GNA12: variants seen among roughly 807,000 people sequenced by gnomAD.
GNA12 encodes guanine nucleotide-binding protein subunit alpha-12.
A neutral mutation model predicts 26.0 loss-of-function variants in GNA12; 9 were observed. That is an observed-to-expected ratio of 0.35 (90% CI 0.21 to 0.60). The LOEUF (loss-of-function observed/expected upper bound fraction) is 0.60, where lower values mean the gene tolerates loss of function less well. GNA12 is among the 20% of genes least tolerant of loss of function. The pLI, the probability that GNA12 is intolerant of heterozygous loss-of-function variation, is 0.78. For synonymous variants in GNA12, 264 were observed against 219.6 expected (o/e 1.20, Z -1.79); for missense variants, 405 against 525.8 (o/e 0.77, Z 2.25).
intron 2 of GNA12, among the ~76,000 whole-genome samples, chr7:2,757,103 G>A (rs1219129843): frequency 6.6e-6 from 1 of 150,776 alleles, no homozygotes; most frequent in East Asian, 1.9e-4. Context: ...AGGTGACCTT[G>A]GCAGGCCCGA....
chr7:2,843,221 C>G (rs73033417), intron 1 of GNA12, among the ~76,000 whole-genome samples: 16,941 of 152,252 alleles, frequency 0.11, 1,021 homozygotes, highest in Middle Eastern at 0.17. Flanking sequence ...CACAAATCTT[C>G]CAGTGGGAAA....
chr7:2,826,103 G>C, intron 1 of GNA12, among the ~76,000 whole-genome samples: 1 of 152,034 alleles, frequency 6.6e-6, no homozygotes, highest in South Asian at 2.1e-4. Flanking sequence ...CTCGGGCCGG[G>C]GGCGGTGGCT....
chr7:2,816,870 T>C (rs541974263), intron 1 of GNA12, among the ~76,000 whole-genome samples: 3 of 152,370 alleles, frequency 2.0e-5, no homozygotes, highest in South Asian at 4.1e-4. Context: ...TGATCAGGAA[T>C]GTGCAATGCA....
In GNA12 at chr7:2,731,237, G is replaced by A; in HGVS notation, c.1090C>T (p.His364Tyr). The change falls in exon 4 of 4, where the codon CAT becomes TAT. Residue 364 changes from histidine to tyrosine, a missense_variant. Transcript: ENST00000275364. The surrounding 1 kb of genome is among the most constrained non-coding windows in gnomAD (Gnocchi z 6.0). ...IDTENVRFVFHAVKDTILQEN... is the reference protein window; with the variant it reads ...IDTENVRFVFYAVKDTILQEN... Reference sequence around the variant, plus strand: ...TGCAGGATGGTGTCTTTCACAGCATGGAACACGAAGCGGACGTTCTCGGTG... The same window carrying A: ...TGCAGGATGGTGTCTTTCACAGCATAGAACACGAAGCGGACGTTCTCGGTG... The A allele has an allele frequency of 1.2e-6, 2 of 1,613,718 alleles. No homozygotes were observed. The highest frequency in any genetic ancestry group is 1.7e-6 in the Non-Finnish European group (2 of 1,179,862).
intron 2 of GNA12, among the ~76,000 whole-genome samples, chr7:2,736,373 G>A (rs1019976444): frequency 3.3e-5 from 5 of 152,124 alleles, no homozygotes; most frequent in South Asian, 2.1e-4. Flanking sequence ...TTGGACTTGC[G>A]GATTAAATGA....
chr7:2,819,887 C>T (rs1793306552), intron 1 of GNA12, among the ~76,000 whole-genome samples: 1 of 152,230 alleles, frequency 6.6e-6, no homozygotes, highest in East Asian at 1.9e-4. Flanking sequence ...TAGGAATACA[C>T]CCAAGAGAAA....
intron 1 of GNA12, among the ~76,000 whole-genome samples, chr7:2,812,934 T>A (rs554713368): frequency 9.2e-5 from 14 of 152,330 alleles, no homozygotes; most frequent in African/African-American, 3.4e-4. Flanking sequence ...CCTTTACTTT[T>A]CAAACTTTAA....
At chr7:2,805,987 G>GCAA (rs1792937069) in intron 1 of GNA12, among the ~76,000 whole-genome samples, 2 of 152,152 alleles carry the variant, frequency 1.3e-5, no homozygotes, top group African/African-American at 4.8e-5. Context: ...AACTTCTTTT[G>GCAA]TTTATACTGA....
chr7:2,731,027 C>G lies in GNA12; in HGVS notation c.*154G>C. The G allele has an allele frequency of 1.7e-6, 1 of 573,442 alleles. No homozygotes were observed. Among genetic ancestry groups the G allele is most frequent in the African/African-American group, 1.9e-5 (1 of 53,862 alleles). 35.5% of individuals were successfully genotyped at this position (573,442 alleles called of 1,614,324 possible). A position where few individuals can be genotyped will look rare whatever the true frequency, so the allele number is the denominator to read the frequency against. ...TCCATGTCCTTTTGCCTAGAGCTCG[C>G]TGGCTGGCTGGTCTGACAGCATTCC... On this transcript the variant is annotated 3_prime_UTR_variant, in exon 4 of 4. Coordinates refer to ENST00000275364, the MANE Select transcript of GNA12 (RefSeq NM_007353.3). The surrounding 1 kb of genome is among the most constrained non-coding windows in gnomAD (Gnocchi z 6.0).
rs984621272 is a variant in GNA12, at chr7:2,756,698, A to C, written c.526-23197T>G. On this transcript the variant is annotated intron_variant, in intron 2 of 3. Transcript: ENST00000275364. ...TCTGTGCTGTCAGAATTCTAAGATG[A>C]GCCTCGATGACAGACGCCCCTGTCT... is the stretch of plus-strand genomic sequence containing the variant. Among the ~76,000 whole-genome samples, 5 of 152,330 alleles carry C rather than the reference A, an allele frequency of 3.3e-5. No individual in the cohort carries two copies. In the South Asian group the frequency reaches 1.0e-3, roughly 32 times the overall value.
chr7:2,830,631 A>G (rs1354804321), intron 1 of GNA12, among the ~76,000 whole-genome samples: 3 of 152,222 alleles, frequency 2.0e-5, no homozygotes, highest in African/African-American at 7.2e-5. Flanking sequence ...ATGGCAGGAG[A>G]GGCAAGAGAA....
chr7:2,830,984 GCA>G lies in GNA12; in HGVS notation c.309+12867_309+12868del, dbSNP rs376557988. 5.3e-4 allele frequency among the ~76,000 whole-genome samples: 81 copies of G among 151,928 alleles called. 1 individual carries two copies. In the South Asian group the frequency reaches 0.016, roughly 31 times the overall value. On this transcript the variant is annotated intron_variant, in intron 1 of 3. Transcript: ENST00000275364. Reference sequence around the variant, plus strand: ...AAAACAAAAAACAAAAGCTCCCAATGCACAGAGAAGGTATCAAGGTATCATTC... The same window carrying G: ...AAAACAAAAAACAAAAGCTCCCAATGCAGAGAAGGTATCAAGGTATCATTC...
chr7:2,731,475 C>G lies in GNA12; in HGVS notation c.852G>C (p.Lys284Asn). 2 of 1,613,872 alleles carry G rather than the reference C, an allele frequency of 1.2e-6. No individual in the cohort carries two copies. Among genetic ancestry groups the G allele is most frequent in the Non-Finnish European group, 1.7e-6 (2 of 1,179,896 alleles). ...MNIFETIVNN[K>N]LFFNVSIILF... The stretch of plus-strand genomic sequence containing the variant: ...GAATGATGGAGACGTTGAAGAAGAG[C>G]TTGTTGTTGACGATGGTCTCGAAGA... The change falls in exon 4 of 4, where the codon AAG (lysine) becomes AAC (asparagine). Residue 284 changes from lysine (K) to asparagine (N), a missense_variant. Transcript: ENST00000275364. This position sits in a 1 kb window ranked among gnomAD's most constrained non-coding sequence, Gnocchi z 6.0.
At chr7:2,803,276 G>T (rs1792859851) in intron 1 of GNA12, among the ~76,000 whole-genome samples, 1 of 152,194 alleles carries the variant, frequency 6.6e-6, no homozygotes. Flanking sequence ...CCGCTGGTGA[G>T]GCCTCGCTCA....
At chr7:2,793,610 T>G (rs1005494727) in intron 2 of GNA12, among the ~76,000 whole-genome samples, 1 of 151,988 alleles carries the variant, frequency 6.6e-6, no homozygotes, top group Non-Finnish European at 1.5e-5. Context: ...GGGTGGGGCA[T>G]GGTGGCTCAC....
intron 2 of GNA12, among the ~76,000 whole-genome samples, chr7:2,752,167 TAAGG>T (rs1161405505): frequency 6.6e-6 from 1 of 150,902 alleles, no homozygotes; most frequent in East Asian, 1.9e-4. Context: ...TTTAGCAAAA[TAAGG>T]AAGAAAAAAA....
chr7:2,730,139 C>T lies in GNA12; in HGVS notation c.*1042G>A, dbSNP rs762437008. The T allele has an allele frequency of 6.6e-6, 1 of 152,366 alleles. No homozygotes were observed. The highest frequency in any genetic ancestry group is 2.4e-5 in the African/African-American group (1 of 41,448). 9.4% of individuals were successfully genotyped at this position (152,366 alleles called of 1,614,324 possible). A position where few individuals can be genotyped will look rare whatever the true frequency, so the allele number is the denominator to read the frequency against. ...CTTCCCGAAAGGTCAGCTGTTAGCT[C>T]GCCAAGCAGCTGGGGCATTAACAAA... is the stretch of plus-strand genomic sequence containing the variant. On this transcript the variant is annotated 3_prime_UTR_variant, in exon 4 of 4. Coordinates refer to ENST00000275364, the MANE Select transcript of GNA12 (RefSeq NM_007353.3).
chr7:2,821,703 A>G (rs1448221107), intron 1 of GNA12, among the ~76,000 whole-genome samples: 1 of 152,164 alleles, frequency 6.6e-6, no homozygotes, highest in Non-Finnish European at 1.5e-5. Flanking sequence ...ATGCTAGGTA[A>G]GCTCTTTCCC....
At chr7:2,837,260 C>A (rs1778864823) in intron 1 of GNA12, among the ~76,000 whole-genome samples, 1 of 152,190 alleles carries the variant, frequency 6.6e-6, no homozygotes, top group South Asian at 2.1e-4. Context: ...TTGCTACCCC[C>A]TCCCATTCCC....
Sources: gnomAD v4.1 joint callset for allele counts (sites outside exome capture counted in the v4.1 genomes callset) on GRCh38, gnomAD v4.1.1 for gene constraint, Gnocchi (gnomAD v3.1) non-coding constraint, MANE v1.5 for transcripts, NCBI Gene and HGNC (gene_info 2026-07-23, HGNC 2026-07-21) for gene names.